The following RBFOX1 variants were observed in gnomAD, a reference collection of about 807,000 sequenced individuals.
RBFOX1 encodes the protein RNA binding protein fox-1 homolog 1.
RBFOX1 carries 8 observed loss-of-function variants against 57.7 expected under a neutral mutation model. That is an observed-to-expected ratio of 0.14 (90% CI 0.08 to 0.25). The LOEUF (loss-of-function observed/expected upper bound fraction) is 0.25. Ranked by LOEUF, RBFOX1 falls within the 10% of genes least tolerant of loss-of-function variation. The pLI is 1.00. For synonymous variants in RBFOX1, 326 were observed against 222.4 expected, an observed-to-expected ratio of 1.47 and a Z score of -4.15; for missense variants, 611 against 548.5, an observed-to-expected ratio of 1.11 and a Z score of -1.14.
chr16:7,682,308 C>T (rs1325249517), intron 14 of RBFOX1, among the ~76,000 whole-genome samples: 1 of 152,010 alleles, frequency 6.6e-6, no homozygotes, highest in Non-Finnish European at 1.5e-5. Context: ...AAAACATGGC[C>T]ATGCCAGAGA....
intron 2 of RBFOX1, among the ~76,000 whole-genome samples, chr16:5,504,023 G>C (rs1214168376): frequency 2.0e-5 from 3 of 152,158 alleles, no homozygotes; most frequent in Non-Finnish European, 4.4e-5. Context: ...CTTTGTCTCT[G>C]GGGGGCTGGT....
chr16:7,392,366 C>T (rs1004553024), intron 4 of RBFOX1, among the ~76,000 whole-genome samples: 14 of 152,136 alleles, frequency 9.2e-5, no homozygotes, highest in African/African-American at 3.4e-4. Context: ...GGCCTGTTTC[C>T]TCCACTCAGG....
intron 4 of RBFOX1, among the ~76,000 whole-genome samples, chr16:7,357,857 A>G (rs2097248156): frequency 6.6e-6 from 1 of 152,006 alleles, no homozygotes; most frequent in Admixed American, 6.6e-5. Context: ...TTTTCCATTC[A>G]TGGAAGATAT....
intron 3 of RBFOX1, among the ~76,000 whole-genome samples, chr16:6,738,232 C>G (rs542617545): frequency 2.0e-5 from 3 of 152,174 alleles, no homozygotes; most frequent in Non-Finnish European, 4.4e-5. Flanking sequence ...GGACAGCAAT[C>G]CTTGACAGGA....
chr16:5,638,298 G>A (rs2048752375), intron 3 of RBFOX1, among the ~76,000 whole-genome samples: 1 of 152,160 alleles, frequency 6.6e-6, no homozygotes, highest in African/African-American at 2.4e-5. Context: ...CATTCTGGTT[G>A]TACCACCACT....
intron 3 of RBFOX1, among the ~76,000 whole-genome samples, chr16:6,713,223 C>A (rs2064069984): frequency 6.6e-6 from 1 of 151,740 alleles, no homozygotes; most frequent in Non-Finnish European, 1.5e-5. Context: ...CCAGGATAAT[C>A]TTTTCCTTCT....
At chr16:5,783,387 C>G (rs9939026) in intron 3 of RBFOX1, among the ~76,000 whole-genome samples, 43,683 of 151,818 alleles carry the variant, frequency 0.29, 6,690 homozygotes, top group East Asian at 0.55. Context: ...ATTAATTGTG[C>G]CTGTTTCTTA....
chr16:7,662,904 GTTGA>G (rs1172846590), intron 12 of RBFOX1, among the ~76,000 whole-genome samples: 2 of 152,264 alleles, frequency 1.3e-5, no homozygotes, highest in African/African-American at 4.8e-5. Context: ...GCACTGCACT[GTTGA>G]TTGAGGATGC....
intron 3 of RBFOX1, among the ~76,000 whole-genome samples, chr16:6,670,887 C>G (rs2098760207): frequency 6.6e-6 from 1 of 152,006 alleles, no homozygotes; most frequent in Admixed American, 6.6e-5. Context: ...GTAGTCCCAG[C>G]TACTTGGGAG....
At chr16:6,505,129 C>G (rs1169403115) in intron 2 of RBFOX1, among the ~76,000 whole-genome samples, 2 of 151,832 alleles carry the variant, frequency 1.3e-5, no homozygotes, top group Non-Finnish European at 2.9e-5. Context: ...ATTTTTTTTC[C>G]TTCACCAGAC....
intron 9 of RBFOX1, among the ~76,000 whole-genome samples, chr16:7,606,056 C>A (rs937519396): frequency 1.2e-4 from 18 of 151,908 alleles, no homozygotes; most frequent in Non-Finnish European, 2.5e-4. Context: ...AGTAACCTGC[C>A]TGCCTTGGCC....
At position 7,291,136 on chromosome 16, in the gene RBFOX1, A is replaced by G. The variant is rs188673202; in HGVS notation, c.28-227011A>G. Among the ~76,000 whole-genome samples the G allele has an allele frequency of 3.3e-5, 5 of 152,318 alleles. No individual in the cohort carries two copies. The East Asian group carries it at 5.8e-4, about 18-fold the overall frequency. On this transcript the variant is annotated intron_variant, in intron 4 of 15. Transcript: ENST00000550418. ...TAGCCCTAGGTTCAAGGTGACCAGTATCTGGACAGAGGGAGATATGTAGAA... is the reference window on the plus strand; with the variant it reads ...TAGCCCTAGGTTCAAGGTGACCAGTGTCTGGACAGAGGGAGATATGTAGAA...
intron 5 of RBFOX1, among the ~76,000 whole-genome samples, chr16:7,532,948 G>A (rs909704154): frequency 1.3e-5 from 2 of 152,212 alleles, no homozygotes; most frequent in Non-Finnish European, 2.9e-5. Flanking sequence ...CATTTTATTG[G>A]ACTCACATTA....
chr16:5,957,477 G>T (rs2059667653), intron 4 of RBFOX1, among the ~76,000 whole-genome samples: 1 of 151,980 alleles, frequency 6.6e-6, no homozygotes, highest in African/African-American at 2.4e-5. Flanking sequence ...TGCCTGACTC[G>T]GCCTCCCAAA....
chr16:6,507,060 A>G (rs2096118858), intron 2 of RBFOX1, among the ~76,000 whole-genome samples: 1 of 151,906 alleles, frequency 6.6e-6, no homozygotes, highest in Non-Finnish European at 1.5e-5. Context: ...ATCTGTGAAC[A>G]TTTCCTTCAA....
chr16:7,246,392 C>T (rs1018950012), intron 4 of RBFOX1, among the ~76,000 whole-genome samples: 2 of 152,152 alleles, frequency 1.3e-5, no homozygotes, highest in Non-Finnish European at 1.5e-5. Context: ...GAAGTGATAA[C>T]CCGAATGTTT....
intron 3 of RBFOX1, among the ~76,000 whole-genome samples, chr16:6,740,267 C>T (rs781471295): frequency 4.6e-5 from 7 of 152,004 alleles, no homozygotes; most frequent in South Asian, 2.1e-4. Flanking sequence ...TTTCTTAACT[C>T]GATAAAGGAT....
At chr16:7,290,199 A>T (rs1016058101) in intron 4 of RBFOX1, among the ~76,000 whole-genome samples, 9 of 152,356 alleles carry the variant, frequency 5.9e-5, no homozygotes, top group African/African-American at 2.2e-4. Context: ...AATGTGAAGC[A>T]TGTATCGTAA....
chr16:7,156,054 T>A (rs911354771), intron 4 of RBFOX1, among the ~76,000 whole-genome samples: 1 of 151,912 alleles, frequency 6.6e-6, no homozygotes, highest in Non-Finnish European at 1.5e-5. Flanking sequence ...TAGGTATACA[T>A]GTAGATAGAG....
Sources: gnomAD v4.1 joint callset for allele counts (sites outside exome capture counted in the v4.1 genomes callset) on GRCh38, gnomAD v4.1.1 for gene constraint, MANE v1.5 for transcripts, NCBI Gene and HGNC (gene_info 2026-07-23, HGNC 2026-07-21) for gene names.